Variants in HDX observed in about 807,000 individuals in gnomAD.
HDX encodes chromosome X open reading frame 43.
In HDX, 19 loss-of-function variants were observed where a neutral mutation model predicts 45.2. The observed-to-expected ratio is 0.42, with a 90% confidence interval of 0.29 to 0.62. The LOEUF (loss-of-function observed/expected upper bound fraction) is 0.62. Among genes scored for constraint, HDX ranks in the 20% least tolerant of loss-of-function variants. The pLI is 0.20. For synonymous variants in HDX, 188 were observed against 172.8 expected, an observed-to-expected ratio of 1.09 and a Z score of -0.69; for missense variants, 532 against 493.9, an observed-to-expected ratio of 1.08 and a Z score of -0.73.
At chrX:84,442,046 AGTCTGTT>A (rs2039771843) in intron 4 of HDX, among the ~76,000 whole-genome samples, 1 of 110,955 alleles carries the variant, frequency 9.0e-6, no homozygotes, top group South Asian at 3.8e-4. Flanking sequence ...AAGACAAAGT[AGTCTGTT>A]ACCTGTGGTT....
chrX:84,412,222 A>G (rs2039004137), intron 5 of HDX, among the ~76,000 whole-genome samples: 1 of 111,614 alleles, frequency 9.0e-6, no homozygotes, highest in African/African-American at 3.3e-5. Context: ...AGGCTATCAC[A>G]CAGACTTGAT....
At position 84,326,275 on chromosome X, in the gene HDX, T is replaced by G; in HGVS notation, c.1850A>C (p.Asn617Thr). The change falls in exon 10 of 11, where the codon AAT becomes ACT. Residue 617 changes from asparagine to threonine, a missense_variant. Physicochemically the swap from Asn to Thr is moderately conservative, Grantham distance 65. This residue lies in a region of HDX where 151 missense variants were observed against 131.8 expected (regional missense o/e 1.15). Coordinates refer to ENST00000373177, the MANE Select transcript of HDX (RefSeq NM_001177479.2). ...YKNEEVKFIE[N>T]ELEIQKQKYF... Reference sequence around the variant, plus strand: ...TTTTTGCTTTTGAATCTCGAGCTCATTTTCAATGAATTTGACTTCTTCATT... The same window carrying G: ...TTTTTGCTTTTGAATCTCGAGCTCAGTTTCAATGAATTTGACTTCTTCATT... The G allele has an allele frequency of 8.4e-7, 1 of 1,193,020 alleles. No individual in the cohort carries two copies. Among genetic ancestry groups the G allele is most frequent in the Non-Finnish European group, 1.1e-6 (1 of 878,831 alleles).
intron 6 of HDX, among the ~76,000 whole-genome samples, chrX:84,348,781 A>T (rs1413010478): frequency 1.8e-5 from 2 of 111,176 alleles, no homozygotes; most frequent in Non-Finnish European, 3.8e-5. Context: ...AGGGGGCTGT[A>T]TTTGGTTATT....
At chrX:84,469,762 C>T (rs1301251605) in intron 3 of HDX, among the ~76,000 whole-genome samples, 187 bp from the exon 4 acceptor site, 4 of 111,913 alleles carry the variant, frequency 3.6e-5, no homozygotes, top group Non-Finnish European at 7.5e-5. Flanking sequence ...GGGACTCACA[C>T]TTAATAAATA....
intron 10 of HDX, among the ~76,000 whole-genome samples, chrX:84,323,625 TA>T (rs977922791): frequency 3.0e-4 from 33 of 111,428 alleles, no homozygotes; most frequent in Admixed American, 6.7e-4. Context: ...ATGAGTGCAG[TA>T]AAAAATATAA....
At chrX:84,373,877 C>T (rs2037967982) in intron 5 of HDX, among the ~76,000 whole-genome samples, 1 of 110,545 alleles carries the variant, frequency 9.0e-6, no homozygotes, top group African/African-American at 3.3e-5. Context: ...CTCACCACTC[C>T]TATTCAACAT....
chrX:84,350,996 A>G (rs751304111), intron 6 of HDX, among the ~76,000 whole-genome samples: 1 of 106,707 alleles, frequency 9.4e-6, no homozygotes, highest in South Asian at 4.1e-4. Context: ...ATGACTTTTT[A>G]GTGATTGATC....
chrX:84,451,528 CA>C (rs34145363), intron 4 of HDX, among the ~76,000 whole-genome samples: 3,357 of 102,688 alleles, frequency 0.033, 101 homozygotes, highest in African/African-American at 0.1. Context: ...GAATCAGTAA[CA>C]AAAAAAAAAA....
intron 4 of HDX, among the ~76,000 whole-genome samples, chrX:84,453,068 A>C (rs1727191053): frequency 8.9e-6 from 1 of 112,398 alleles, no homozygotes; most frequent in Admixed American, 9.4e-5. Context: ...TTCATCTGAC[A>C]AGGGACTATT....
At chrX:84,461,426 A>G (rs930627938) in intron 4 of HDX, among the ~76,000 whole-genome samples, 1 of 111,382 alleles carries the variant, frequency 9.0e-6, no homozygotes, top group Non-Finnish European at 1.9e-5. Flanking sequence ...TAGGAAAAGG[A>G]CAGCCTTTTC....
intron 5 of HDX, among the ~76,000 whole-genome samples, chrX:84,401,943 A>G (rs1416756351): frequency 1.8e-5 from 2 of 112,071 alleles, no homozygotes; most frequent in African/African-American, 6.5e-5. Flanking sequence ...TAACACAGGA[A>G]CAGAAAACCA....
intron 5 of HDX, among the ~76,000 whole-genome samples, chrX:84,435,969 A>G (rs2039619861): frequency 2.2e-5 from 2 of 90,345 alleles, no homozygotes; most frequent in Non-Finnish European, 4.3e-5. Flanking sequence ...CTATAAAGAC[A>G]CATGCACATG....
At chrX:84,367,476 T>G (rs749318953) in intron 5 of HDX, among the ~76,000 whole-genome samples, 24 of 111,947 alleles carry the variant, frequency 2.1e-4, no homozygotes, top group Non-Finnish European at 4.1e-4. Context: ...AGAAATACCA[T>G]TTGACCCAGC....
chrX:84,493,599 G>A (rs1405899191), intron 1 of HDX, among the ~76,000 whole-genome samples: 2 of 111,710 alleles, frequency 1.8e-5, no homozygotes, highest in African/African-American at 3.2e-5. Flanking sequence ...TCTAAAGAAA[G>A]CTTCTACCAA....
intron 4 of HDX, among the ~76,000 whole-genome samples, chrX:84,441,597 T>C (rs2039762321): frequency 8.9e-6 from 1 of 111,856 alleles, no homozygotes; most frequent in Non-Finnish European, 1.9e-5. Flanking sequence ...CATTATTATA[T>C]ATACATCAAA....
chrX:84,453,975 C>G (rs1169056086), intron 4 of HDX, among the ~76,000 whole-genome samples: 1 of 111,684 alleles, frequency 9.0e-6, no homozygotes, highest in Non-Finnish European at 1.9e-5. Flanking sequence ...CACTCTGGGC[C>G]AAAAGGGAAC....
At chrX:84,486,108 A>G (rs1401412631) in intron 2 of HDX, among the ~76,000 whole-genome samples, 2 of 110,791 alleles carry the variant, frequency 1.8e-5, no homozygotes, top group South Asian at 3.7e-4. Flanking sequence ...TCTGACATTG[A>G]TCTCCTTTTT....
intron 6 of HDX, 91 bp from the exon 7 acceptor site, chrX:84,344,548 T>C (rs1343477381): frequency 1.7e-6 from 1 of 577,188 alleles, no homozygotes. Context: ...CTGCATAAAA[T>C]ATGATTTAAA....
At chrX:84,502,223 G>A (rs184849085) in intron 1 of HDX, 119 bp downstream of exon 1, 3 of 110,608 alleles carry the variant, frequency 2.7e-5, no homozygotes, top group South Asian at 7.8e-4. Context: ...TGCCTGTTTA[G>A]GCCACGGAAC....
Sources: allele counts gnomAD v4.1 joint callset (sites outside exome capture counted in the v4.1 genomes callset), GRCh38; gene constraint gnomAD v4.1.1; regional missense constraint gnomAD v4.1.1; transcripts MANE v1.5; gene names NCBI Gene and HGNC (gene_info 2026-07-23, HGNC 2026-07-21).